Variants in VSIG10 observed in about 807,000 individuals in gnomAD.
VSIG10 encodes the protein V-set and immunoglobulin domain containing 10, also known as V-set and immunoglobulin domain-containing protein 10.
In VSIG10, 48 loss-of-function variants were observed where a neutral mutation model predicts 58.7. The observed-to-expected ratio is 0.82, with a 90% CI of 0.65 to 1.04. VSIG10 has a LOEUF of 1.04. Ranked by LOEUF, VSIG10 falls within the 50% of genes least tolerant of loss-of-function variation. The pLI is 0.00. For missense variants in VSIG10, 628 were observed against 670.0 expected (o/e 0.94, Z 0.69); for synonymous variants, 260 against 267.1 (o/e 0.97, Z 0.26).
intron 2 of VSIG10, among the ~76,000 whole-genome samples, chr12:118,088,155 G>C (rs1236643206): frequency 6.7e-6 from 1 of 149,696 alleles, no homozygotes; most frequent in East Asian, 2.0e-4. Flanking sequence ...TAAGGCAGGA[G>C]AATCACCTGA....
At chr12:118,097,999 A>G (rs1015165725) in intron 1 of VSIG10, among the ~76,000 whole-genome samples, 1 of 152,128 alleles carries the variant, frequency 6.6e-6, no homozygotes, top group African/African-American at 2.4e-5. Context: ...ATTCTAGATC[A>G]GCCTTCAGCT....
intron 3 of VSIG10, 101 bp downstream of exon 3, chr12:118,082,017 TAAAAAAAAA>T (rs11413291): frequency 4.7e-6 from 4 of 848,820 alleles, no homozygotes; most frequent in East Asian, 3.2e-5. Flanking sequence ...AACTCCATCT[TAAAAAAAAA>T]AAAAAAAAAA....
At chr12:118,091,448 T>C (rs2033294274) in intron 2 of VSIG10, among the ~76,000 whole-genome samples, 1 of 149,002 alleles carries the variant, frequency 6.7e-6, no homozygotes, top group Non-Finnish European at 1.5e-5. Flanking sequence ...GCTGAGATCG[T>C]GCCACTGCAC....
chr12:118,095,684 G>C lies in VSIG10; in HGVS notation c.210C>G (p.Asn70Lys), dbSNP rs1320917070. ...GAGGCTCAGCTGGCCGGAGGCTAGA[G>C]TTGGACGAGAGAAGGAAGACAGGCT... ...NSEPVFLLSSNSSLRPAEPRF... is the reference protein window; with the variant it reads ...NSEPVFLLSSKSSLRPAEPRF... The change falls in exon 2 of 9, where the codon AAC becomes AAG. Residue 70 changes from asparagine (N) to lysine (K), a missense_variant. Coordinates refer to ENST00000359236, the MANE Select transcript of VSIG10 (RefSeq NM_019086.6). The C allele has an allele frequency of 1.2e-6, 2 of 1,613,846 alleles. No individual in the cohort carries two copies. Among genetic ancestry groups the C allele is most frequent in the African/African-American group, 2.7e-5 (2 of 74,912 alleles).
chr12:118,066,390 C>T lies in VSIG10; in HGVS notation c.*249G>A. The T allele has an allele frequency of 1.9e-6, 1 of 534,828 alleles. No homozygotes were observed. Among genetic ancestry groups the T allele is most frequent in the Non-Finnish European group, 3.4e-6 (1 of 295,828 alleles). 33.1% of individuals were successfully genotyped at this position (534,828 alleles called of 1,614,324 possible). The stretch of plus-strand genomic sequence containing the variant: ...TTCACAGCAGAAGTGGCACCTCAGA[C>T]ACCAAAGCAGCTTTCCTTCTCAAAG... On this transcript the variant is annotated 3_prime_UTR_variant, in exon 9 of 9. Transcript: ENST00000359236.
chr12:118,083,972 T>C (rs1034759500), intron 2 of VSIG10, among the ~76,000 whole-genome samples: 5 of 151,962 alleles, frequency 3.3e-5, no homozygotes, highest in Non-Finnish European at 5.9e-5. Flanking sequence ...ACCAAAGAAT[T>C]TGCCAGGCGT....
rs2032976000 is a variant in VSIG10 at position 118,082,132 on chromosome 12, A to G, written c.659T>C (p.Val220Ala). 1.2e-6 allele frequency: 2 copies of G among 1,613,296 alleles called. No individual in the cohort carries two copies. Among genetic ancestry groups the G allele is most frequent in the African/African-American group, 2.7e-5 (2 of 74,948 alleles). The change falls in exon 3 of 9, where the codon GTC (valine) becomes GCC (alanine). Residue 220 changes from valine (V) to alanine (A), a missense_variant. Coordinates refer to ENST00000359236, the MANE Select transcript of VSIG10 (RefSeq NM_019086.6). The stretch of plus-strand genomic sequence containing the variant: ...GAGGAGTGCTGCTTACGCACAGTAG[A>G]CCAGGAGCTCGGTGGTCACCTTTCG... Reference protein sequence around the residue: ...RHRKVTTELLVYYPPPSAPQC... With the variant: ...RHRKVTTELLAYYPPPSAPQC...
At chr12:118,095,038 G>A (rs961201076) in intron 2 of VSIG10, among the ~76,000 whole-genome samples, 2 of 152,090 alleles carry the variant, frequency 1.3e-5, no homozygotes, top group Admixed American at 6.6e-5. Flanking sequence ...CAAATAGCTG[G>A]GACTACAGGT....
At position 118,082,200 on chromosome 12, in the gene VSIG10, C is replaced by T. The variant is rs1566166730; in HGVS notation, c.591G>A (p.Gly197=). ...SLLLISPNLQ[G]NYTCLALNQL... ...GATTCAAGGCTAAACAGGTGTAGTTCCCTTGGAGGTTTGGCGATATCAGTA... is the reference window on the plus strand; with the variant it reads ...GATTCAAGGCTAAACAGGTGTAGTTTCCTTGGAGGTTTGGCGATATCAGTA... Residue 197 remains glycine, a synonymous_variant, in exon 3 of 9, where the codon GGG becomes GGA. Transcript: ENST00000359236. 1.9e-6 allele frequency: 3 copies of T among 1,613,722 alleles called. No homozygotes were observed. Among genetic ancestry groups the T allele is most frequent in the East Asian group, 4.5e-5 (2 of 44,862 alleles).
At position 118,063,715 on chromosome 12, in the gene VSIG10, A is replaced by G. The variant is rs1213460665; in HGVS notation, c.*2924T>C. 2.0e-5 allele frequency: 3 copies of G among 152,128 alleles called. No homozygotes were observed. Among genetic ancestry groups the G allele is most frequent in the African/African-American group, 7.2e-5 (3 of 41,418 alleles). The allele number at this position is 152,128 out of a possible 1,614,324, so 9.4% of individuals were successfully genotyped here. On this transcript the variant is annotated 3_prime_UTR_variant, in exon 9 of 9. Coordinates refer to ENST00000359236, the MANE Select transcript of VSIG10 (RefSeq NM_019086.6). The stretch of plus-strand genomic sequence containing the variant: ...GTAAATAATGGAGAAGGAGCTGCTT[A>G]TTTTTCTTTGCAGCAGTTCCTGGCC...
At chr12:118,090,184 C>T (rs946616060) in intron 2 of VSIG10, among the ~76,000 whole-genome samples, 4 of 151,896 alleles carry the variant, frequency 2.6e-5, no homozygotes, top group African/African-American at 4.8e-5. Context: ...CATGGTGGTG[C>T]GAGCCAGCTA....
chr12:118,090,658 CCTTTT>C (rs1312047202), intron 2 of VSIG10, among the ~76,000 whole-genome samples: 3 of 152,210 alleles, frequency 2.0e-5, no homozygotes, highest in African/African-American at 7.2e-5. Flanking sequence ...GAATTCTTCT[CCTTTT>C]ATTTTTTCAG....
chr12:118,079,672 C>T (rs1211977840), intron 3 of VSIG10, 66 bp from the exon 4 acceptor site: 1 of 1,579,932 alleles, frequency 6.3e-7, no homozygotes, highest in Non-Finnish European at 8.6e-7. Context: ...TGGACTGGCT[C>T]TAAGGATGGC....
chr12:118,073,358 A>G (rs2032577184), intron 5 of VSIG10, among the ~76,000 whole-genome samples: 2 of 152,156 alleles, frequency 1.3e-5, no homozygotes, highest in South Asian at 2.1e-4. Flanking sequence ...CCTGAGACAT[A>G]CAAGTAACCT....
chr12:118,100,591 G>A (rs1040008945), intron 1 of VSIG10, among the ~76,000 whole-genome samples: 7 of 152,130 alleles, frequency 4.6e-5, no homozygotes, highest in East Asian at 1.9e-4. Context: ...AGTGCAAGGC[G>A]TAATTTCGGC....
intron 1 of VSIG10, among the ~76,000 whole-genome samples, chr12:118,100,501 A>C (rs2033595807): frequency 6.6e-6 from 1 of 152,136 alleles, no homozygotes; most frequent in South Asian, 2.1e-4. Context: ...TGTCTCAAAA[A>C]AAAAAGCAGA....
rs1350076599 is a variant in VSIG10 at position 118,064,122 on chromosome 12, G to A, written c.*2517C>T. ...TTTGCCACACAAACTGTAATCCACT[G>A]TCAACAAGCTTGTGGATTTGGGCAT... On this transcript the variant is annotated 3_prime_UTR_variant, in exon 9 of 9. Transcript: ENST00000359236. The A allele has an allele frequency of 6.6e-6, 1 of 152,158 alleles. No homozygotes were observed. Among genetic ancestry groups the A allele is most frequent in the Non-Finnish European group, 1.5e-5 (1 of 68,038 alleles). 9.4% of individuals were successfully genotyped at this position (152,158 alleles called of 1,614,324 possible). A position where few individuals can be genotyped will look rare whatever the true frequency, so the allele number is the denominator to read the frequency against.
At position 118,095,795 on chromosome 12, in the gene VSIG10, A is replaced by G; in HGVS notation, c.99T>C (p.Ile33=). The change falls in exon 2 of 9, where the codon ATT becomes ATC. Residue 33 remains isoleucine, a synonymous_variant. Transcript: ENST00000359236. ...WVAVGLEAVV[I]GEVHENVTLH... ...GAGTAACATTCTCATGAACTTCTCC[A>G]ATGACAACAGCCTCCAATCCTGTAC... 1.2e-6 allele frequency: 2 copies of G among 1,610,422 alleles called. No individual in the cohort carries two copies. The highest frequency in any genetic ancestry group is 2.2e-5 in the South Asian group (2 of 90,298).
intron 2 of VSIG10, among the ~76,000 whole-genome samples, chr12:118,095,018 C>T (rs6490166): frequency 0.58 from 87,350 of 151,688 alleles, 25,546 homozygotes; most frequent in Admixed American, 0.66. Context: ...ATTCTCCTGC[C>T]TCAGATTCCC....
Sources: allele counts gnomAD v4.1 joint callset (sites outside exome capture counted in the v4.1 genomes callset), GRCh38; gene constraint gnomAD v4.1.1; transcripts MANE v1.5; gene names NCBI Gene and HGNC (gene_info 2026-07-23, HGNC 2026-07-21).